The following ADCY8 variants were observed in gnomAD, a reference collection of about 807,000 sequenced individuals.
ADCY8 encodes adenylate cyclase type 8.
In ADCY8, 51 loss-of-function variants were observed where a neutral mutation model predicts 119.7. The ratio of observed to expected loss-of-function variants is 0.43; its 90% CI spans 0.34 to 0.54. The LOEUF (loss-of-function observed/expected upper bound fraction) is 0.54, where lower values mean the gene tolerates loss of function less well. Among genes scored for constraint, ADCY8 ranks in the 20% least tolerant of loss-of-function variants. ADCY8 has a pLI of 0.03. For missense variants in ADCY8, 1,383 were observed against 1,598.8 expected (o/e 0.87, Z 2.30); for synonymous variants, 665 against 651.0 (o/e 1.02, Z -0.33).
intron 5 of ADCY8, among the ~76,000 whole-genome samples, chr8:130,919,296 C>G (rs1820228789): frequency 6.6e-6 from 1 of 151,908 alleles, no homozygotes; most frequent in Non-Finnish European, 1.5e-5. Flanking sequence ...TTATTTAACT[C>G]ACACTCGCAC....
chr8:130,880,952 G>C (rs1038632035), intron 8 of ADCY8, among the ~76,000 whole-genome samples: 4 of 152,206 alleles, frequency 2.6e-5, no homozygotes, highest in African/African-American at 9.7e-5. Context: ...CCAAGGACTA[G>C]AGAAGGAAAG....
chr8:130,812,593 T>C (rs934193335), intron 14 of ADCY8, among the ~76,000 whole-genome samples: 2 of 152,182 alleles, frequency 1.3e-5, no homozygotes, highest in African/African-American at 4.8e-5. Context: ...CTCCTGGGCC[T>C]AACAGAAGCT....
chr8:130,990,728 G>A, intron 1 of ADCY8, 186 bp from the exon 2 acceptor site: 1 of 639,782 alleles, frequency 1.6e-6, no homozygotes, highest in Non-Finnish European at 2.4e-6. Flanking sequence ...TTTGGAGAGG[G>A]CTTCTTTCAC....
At chr8:131,038,762 A>G (rs1252439859) in intron 1 of ADCY8, among the ~76,000 whole-genome samples, 1 of 152,228 alleles carries the variant, frequency 6.6e-6, no homozygotes, top group African/African-American at 2.4e-5. Context: ...TCATGAGAGA[A>G]GATATCATGT....
chr8:131,035,034 T>C (rs1452267616), intron 1 of ADCY8, among the ~76,000 whole-genome samples: 2 of 152,182 alleles, frequency 1.3e-5, no homozygotes, highest in Non-Finnish European at 2.9e-5. Context: ...AAATATAATC[T>C]TATCATCAAT....
intron 9 of ADCY8, among the ~76,000 whole-genome samples, chr8:130,855,105 C>T (rs1202361834): frequency 8.6e-6 from 1 of 116,658 alleles, no homozygotes; most frequent in African/African-American, 3.1e-5. Flanking sequence ...CACTGTCTCT[C>T]TCTCTCTCTC....
intron 1 of ADCY8, among the ~76,000 whole-genome samples, chr8:130,999,260 T>C (rs572355265): frequency 3.9e-5 from 6 of 152,270 alleles, no homozygotes; most frequent in Admixed American, 6.5e-5. Context: ...AAGTGGAAAG[T>C]TGTCACTCTG....
intron 13 of ADCY8, among the ~76,000 whole-genome samples, chr8:130,820,355 C>G (rs1816469640): frequency 6.6e-6 from 1 of 152,148 alleles, no homozygotes; most frequent in Non-Finnish European, 1.5e-5. Flanking sequence ...GGCTGACAGT[C>G]TCCTTGCTGT....
rs1440446299 is a variant in ADCY8 at position 131,040,888 on chromosome 8, G to A, written c.-555C>T. On this transcript the variant is annotated 5_prime_UTR_variant, in exon 1 of 18. Coordinates refer to ENST00000286355, the MANE Select transcript of ADCY8 (RefSeq NM_001115.3). Reference sequence around the variant, plus strand: ...ATGTGGCTGGAATCATCGCCCTTCGGAGAACTCCATTGCGCCGGGATGGGG... The same window carrying A: ...ATGTGGCTGGAATCATCGCCCTTCGAAGAACTCCATTGCGCCGGGATGGGG... The A allele has an allele frequency of 6.6e-6, 1 of 152,284 alleles. No homozygotes were observed. Among genetic ancestry groups the A allele is most frequent in the Non-Finnish European group, 1.5e-5 (1 of 68,116 alleles). 9.4% of individuals were successfully genotyped at this position (152,284 alleles called of 1,614,324 possible). A position where few individuals can be genotyped will look rare whatever the true frequency, so the allele number is the denominator to read the frequency against.
At chr8:130,908,035 C>A (rs1819847669) in intron 6 of ADCY8, among the ~76,000 whole-genome samples, 1 of 152,168 alleles carries the variant, frequency 6.6e-6, no homozygotes, top group African/African-American at 2.4e-5. Flanking sequence ...AAGATAATTT[C>A]TTTCAGCTGC....
intron 5 of ADCY8, among the ~76,000 whole-genome samples, chr8:130,928,511 C>T (rs1459619813): frequency 6.6e-6 from 1 of 152,080 alleles, no homozygotes; most frequent in African/African-American, 2.4e-5. Context: ...AATGCTTTTT[C>T]TGCATCTATT....
intron 2 of ADCY8, among the ~76,000 whole-genome samples, chr8:130,984,478 A>G (rs984011496): frequency 7.5e-6 from 1 of 133,036 alleles, no homozygotes; most frequent in African/African-American, 3.8e-5. Context: ...AAGTTTGTTT[A>G]GTTTTTTTTT....
Position 130,986,673 on chromosome 8 carries a change from A to G in ADCY8, c.1110+3720T>C, listed in dbSNP as rs192369268. ...AGGTGGATTTCCCAGAACTATTAATACATGGCACAGGCTGGTGAAATAGCA... is the reference window on the plus strand; with the variant it reads ...AGGTGGATTTCCCAGAACTATTAATGCATGGCACAGGCTGGTGAAATAGCA... On this transcript the variant is annotated intron_variant, in intron 2 of 17. Coordinates refer to ENST00000286355, the MANE Select transcript of ADCY8 (RefSeq NM_001115.3). Among the ~76,000 whole-genome samples the G allele has an allele frequency of 2.0e-5, 3 of 152,346 alleles. No homozygotes were observed. The East Asian group carries it at 5.8e-4, about 29-fold the overall frequency.
intron 13 of ADCY8, among the ~76,000 whole-genome samples, chr8:130,816,214 G>T (rs1816335829): frequency 6.6e-6 from 1 of 152,068 alleles, no homozygotes; most frequent in South Asian, 2.1e-4. Flanking sequence ...CAAACCAAAT[G>T]TTCATTTTGT....
intron 14 of ADCY8, among the ~76,000 whole-genome samples, chr8:130,809,004 G>T (rs1055083486): frequency 6.6e-6 from 1 of 152,166 alleles, no homozygotes; most frequent in African/African-American, 2.4e-5. Flanking sequence ...TTATCTGCAA[G>T]AATGTTCCTG....
At chr8:130,873,574 C>T (rs1254968302) in intron 8 of ADCY8, among the ~76,000 whole-genome samples, 1 of 152,164 alleles carries the variant, frequency 6.6e-6, no homozygotes, top group East Asian at 1.9e-4. Context: ...CTCGCCTCAG[C>T]CTTCCAAAGT....
intron 12 of ADCY8, among the ~76,000 whole-genome samples, chr8:130,829,360 A>G (rs1296801138): frequency 6.6e-6 from 1 of 152,198 alleles, no homozygotes; most frequent in Non-Finnish European, 1.5e-5. Context: ...AGAGGGAAGT[A>G]TATCTTAGGA....
In ADCY8 at chr8:130,978,483, A is replaced by G. The variant is rs180812164; in HGVS notation, c.1110+11910T>C. ...ATAATAATCACATATTTGGGGAAAG[A>G]GAAATGCTCATTGGAAATGTTCCTT... On this transcript the variant is annotated intron_variant, in intron 2 of 17. Coordinates refer to ENST00000286355, the MANE Select transcript of ADCY8 (RefSeq NM_001115.3). Among the ~76,000 whole-genome samples the G allele has an allele frequency of 3.3e-5, 5 of 152,346 alleles. No individual in the cohort carries two copies. The East Asian group carries it at 9.6e-4, about 29-fold the overall frequency.
At chr8:130,927,201 A>ACAC (rs1820496924) in intron 5 of ADCY8, among the ~76,000 whole-genome samples, 1 of 152,176 alleles carries the variant, frequency 6.6e-6, no homozygotes, top group Non-Finnish European at 1.5e-5. Context: ...ATTAATTTAC[A>ACAC]TTTCCACCGG....
Sources: gnomAD v4.1 joint callset for allele counts (sites outside exome capture counted in the v4.1 genomes callset) on GRCh38, gnomAD v4.1.1 for gene constraint, MANE v1.5 for transcripts, NCBI Gene and HGNC (gene_info 2026-07-23, HGNC 2026-07-21) for gene names.